ANKRD30B: variants seen among roughly 807,000 people sequenced by gnomAD.
ANKRD30B encodes the protein ankyrin repeat domain-containing protein 30B.
A neutral mutation model predicts 202.2 loss-of-function variants in ANKRD30B; 144 were observed. The ratio of observed to expected loss-of-function variants is 0.71; its 90% CI spans 0.62 to 0.82. The LOEUF (loss-of-function observed/expected upper bound fraction) is 0.82, where lower values mean the gene tolerates loss of function less well. Among genes scored for constraint, ANKRD30B ranks in the 40% least tolerant of loss-of-function variants. ANKRD30B has a pLI of 0.00. For synonymous variants in ANKRD30B, 508 were observed against 561.3 expected (o/e 0.91, Z 1.34); for missense variants, 1,487 against 1,669.1 (o/e 0.89, Z 1.90).
chr18:14,937,680 G>A, the ANKRD30B span, among the ~76,000 whole-genome samples: 17 of 152,298 alleles, frequency 1.1e-4, no homozygotes, highest in African/African-American at 2.4e-4. Flanking sequence ...GCCGGTTCCC[G>A]CTCTGTGAAT....
chr18:14,806,679 C>G (rs1287961009), intron 24 of ANKRD30B, among the ~76,000 whole-genome samples: 2 of 148,888 alleles, frequency 1.3e-5, no homozygotes, highest in Non-Finnish European at 3.0e-5. Flanking sequence ...GATGAGATAG[C>G]TCTGAATGTT....
intron 39 of ANKRD30B, 21 bp downstream of exon 39, chr18:14,843,117 A>C: frequency 6.3e-7 from 1 of 1,590,648 alleles, no homozygotes; most frequent in Non-Finnish European, 8.5e-7. Context: ...CAGTTCAACT[A>C]TATTAAAATG....
At chr18:14,839,248 T>A (rs772248193) in intron 36 of ANKRD30B, among the ~76,000 whole-genome samples, 37 of 152,192 alleles carry the variant, frequency 2.4e-4, no homozygotes, top group Admixed American at 1.1e-3. Flanking sequence ...GAATGTTCCT[T>A]AAGAGAAAAT....
the ANKRD30B span, among the ~76,000 whole-genome samples, chr18:14,899,971 A>G: frequency 6.6e-6 from 1 of 152,172 alleles, no homozygotes; most frequent in Non-Finnish European, 1.5e-5. Flanking sequence ...GAGTAAATCT[A>G]TCTCATCTTT....
At chr18:14,846,367 G>C (rs1166136926) in intron 39 of ANKRD30B, among the ~76,000 whole-genome samples, 2 of 151,728 alleles carry the variant, frequency 1.3e-5, no homozygotes, top group East Asian at 1.9e-4. Flanking sequence ...TTTGGGTCAG[G>C]TAACATGTTT....
chr18:14,776,397 T>C (rs1178587584), intron 9 of ANKRD30B, among the ~76,000 whole-genome samples: 2 of 152,246 alleles, frequency 1.3e-5, no homozygotes, highest in African/African-American at 4.8e-5. Context: ...TTAGCATGCG[T>C]ATGGGAGTGG....
chr18:14,912,099 GA>G, the ANKRD30B span, among the ~76,000 whole-genome samples: 1 of 152,092 alleles, frequency 6.6e-6, no homozygotes, highest in Non-Finnish European at 1.5e-5. Context: ...TTTCTAGTTT[GA>G]ATGTCTTTTG....
At chr18:14,767,797 A>G (rs1467281740) in intron 7 of ANKRD30B, among the ~76,000 whole-genome samples, 1 of 152,222 alleles carries the variant, frequency 6.6e-6, no homozygotes, top group Non-Finnish European at 1.5e-5. Flanking sequence ...ACTCCTTAGA[A>G]TGACACATTA....
chr18:14,800,803 C>A (rs1969259283), intron 22 of ANKRD30B, among the ~76,000 whole-genome samples: 1 of 66,072 alleles, frequency 1.5e-5, no homozygotes, highest in African/African-American at 6.2e-5. Flanking sequence ...TAATTTTTGA[C>A]AACATTCTGT....
rs2143834734 is a variant in ANKRD30B at position 14,777,992 on chromosome 18, C to T, written c.1337C>T (p.Ser446Phe). 1.3e-6 allele frequency: 2 copies of T among 1,543,550 alleles called. No individual in the cohort carries two copies. The highest frequency in any genetic ancestry group is 2.0e-5 in the Admixed American group (1 of 49,488). ...EDFNLATKII[S>F]KSAAQNYTCL... ...TGGTATTACCTTTAACAGATTATCTCTAAGAGTGCTGCACAGAATTATACG... is the reference window on the plus strand; with the variant it reads ...TGGTATTACCTTTAACAGATTATCTTTAAGAGTGCTGCACAGAATTATACG... Residue 446 changes from serine (S) to phenylalanine (F), a missense_variant, in exon 10 of 44, where the codon TCT (serine) becomes TTT (phenylalanine). Transcript: ENST00000690538.
At chr18:14,840,072 A>G (rs1172332162) in intron 36 of ANKRD30B, among the ~76,000 whole-genome samples, 1 of 152,196 alleles carries the variant, frequency 6.6e-6, no homozygotes, top group Non-Finnish European at 1.5e-5. Flanking sequence ...GCCACATGAA[A>G]ATAAAAGATA....
chr18:14,860,715 T>G, the ANKRD30B span, among the ~76,000 whole-genome samples: 1 of 152,130 alleles, frequency 6.6e-6, no homozygotes, highest in Admixed American at 6.5e-5. Flanking sequence ...AATAATTTTT[T>G]TTTTTTGGAG....
chr18:14,900,433 C>A, the ANKRD30B span, among the ~76,000 whole-genome samples: 1 of 152,070 alleles, frequency 6.6e-6, no homozygotes, highest in African/African-American at 2.4e-5. Flanking sequence ...TCTTATGAGG[C>A]ATAATAAGCT....
chr18:14,825,970 C>A, intron 32 of ANKRD30B, among the ~76,000 whole-genome samples: 1 of 149,060 alleles, frequency 6.7e-6, no homozygotes. Context: ...CAGAAAAGTG[C>A]AAACAGTCAT....
the ANKRD30B span, among the ~76,000 whole-genome samples, chr18:14,940,424 G>T: frequency 6.6e-6 from 1 of 152,292 alleles, no homozygotes; most frequent in African/African-American, 2.4e-5. Context: ...CAGAGTTGGG[G>T]GTCTATCCAC....
At chr18:14,792,352 G>T (rs1598625833) in intron 16 of ANKRD30B, among the ~76,000 whole-genome samples, 5 of 152,030 alleles carry the variant, frequency 3.3e-5, no homozygotes, top group Admixed American at 3.3e-4. Flanking sequence ...CTATTTTTGA[G>T]TATGTTTTTA....
chr18:14,827,948 T>G (rs1042017938), intron 32 of ANKRD30B, among the ~76,000 whole-genome samples: 50 of 152,140 alleles, frequency 3.3e-4, no homozygotes, highest in Admixed American at 1.3e-4. Context: ...TAATAATAAT[T>G]TTACTATAGT....
At chr18:14,786,804 G>A (rs1220939760) in intron 14 of ANKRD30B, among the ~76,000 whole-genome samples, 2 of 152,102 alleles carry the variant, frequency 1.3e-5, no homozygotes, top group Admixed American at 6.6e-5. Context: ...ACTCATACAA[G>A]TTAGTCAAAT....
At chr18:14,865,986 G>A in the ANKRD30B span, among the ~76,000 whole-genome samples, 3,883 of 152,054 alleles carry the variant, frequency 0.026, 125 homozygotes, top group African/African-American at 0.089. Context: ...GAGAAAGCCC[G>A]GAGGCCTACT....
Sources: allele counts gnomAD v4.1 joint callset (sites outside exome capture counted in the v4.1 genomes callset), GRCh38; gene constraint gnomAD v4.1.1; transcripts MANE v1.5; gene names NCBI Gene and HGNC (gene_info 2026-07-23, HGNC 2026-07-21).